Variants in PSAP observed in about 807,000 individuals in gnomAD.
PSAP encodes precursor of saposins.
A neutral mutation model predicts 66.0 loss-of-function variants in PSAP; 25 were observed. That is an observed-to-expected ratio of 0.38 (90% CI 0.28 to 0.53). PSAP has a LOEUF of 0.53. PSAP is among the 20% of genes least tolerant of loss of function. The pLI is 0.83. For synonymous variants in PSAP, 273 were observed against 258.9 expected, an observed-to-expected ratio of 1.05 and a Z score of -0.52; for missense variants, 649 against 668.8, an observed-to-expected ratio of 0.97 and a Z score of 0.33.
chr10:71,849,275 C>T (rs894453517), intron 1 of PSAP, among the ~76,000 whole-genome samples: 2 of 152,176 alleles, frequency 1.3e-5, no homozygotes, highest in Admixed American at 1.3e-4. Flanking sequence ...AATTTAAGAG[C>T]TTCGTATAGG....
intron 1 of PSAP, among the ~76,000 whole-genome samples, chr10:71,844,407 T>A (rs551943571): frequency 6.6e-6 from 1 of 152,332 alleles, no homozygotes; most frequent in South Asian, 2.1e-4. Flanking sequence ...GGCTTATGCC[T>A]CTAATCCCAG....
chr10:71,842,376 AAT>A (rs761370766), intron 1 of PSAP, among the ~76,000 whole-genome samples: 2 of 152,206 alleles, frequency 1.3e-5, no homozygotes, highest in African/African-American at 2.4e-5. Context: ...ACATACAATA[AAT>A]ATATATATGT....
rs141199649 is a variant in PSAP, at chr10:71,828,020, G to A, written c.714C>T (p.Ala238=). 15 of 1,613,974 alleles carry A rather than the reference G, an allele frequency of 9.3e-6. No individual in the cohort carries two copies. In the African/African-American group the frequency reaches 1.1e-4, roughly 11 times the overall value. Residue 238 remains alanine (A), a synonymous_variant, in exon 6 of 14, where the codon GCC becomes GCT. Coordinates refer to ENST00000394936, the MANE Select transcript of PSAP (RefSeq NM_002778.4). ...ACAAGGACACAAGGCTCACTATGTC[G>A]GCCATGCCAGGGCCCAGGCGGTCAC... is the stretch of plus-strand genomic sequence containing the variant. ...EECDRLGPGM[A]DICKNYISQY...
At chr10:71,839,888 T>C (rs1842702184) in intron 1 of PSAP, among the ~76,000 whole-genome samples, 1 of 152,206 alleles carries the variant, frequency 6.6e-6, no homozygotes. Flanking sequence ...TATTATTCTA[T>C]GTATTTGTTG....
chr10:71,843,176 A>G (rs1180817160), intron 1 of PSAP, among the ~76,000 whole-genome samples: 1 of 152,122 alleles, frequency 6.6e-6, no homozygotes, highest in Non-Finnish European at 1.5e-5. Flanking sequence ...CCGAATGCAC[A>G]GAGAGGAAGC....
intron 1 of PSAP, among the ~76,000 whole-genome samples, chr10:71,835,845 C>CA (rs796690953): frequency 0.045 from 5,466 of 120,730 alleles, 393 homozygotes; most frequent in African/African-American, 0.17. Flanking sequence ...AAAAACAAAA[C>CA]ACAATCACCT....
chr10:71,827,333 A>T (rs1435973230), intron 6 of PSAP, among the ~76,000 whole-genome samples: 1 of 150,878 alleles, frequency 6.6e-6, no homozygotes, highest in Non-Finnish European at 1.5e-5. Context: ...CGGGAGGCGG[A>T]GCTTGCAGTG....
chr10:71,823,398 C>A (rs1842342875), intron 7 of PSAP, among the ~76,000 whole-genome samples: 1 of 152,244 alleles, frequency 6.6e-6, no homozygotes, highest in Non-Finnish European at 1.5e-5. Context: ...TGCTGGCTGT[C>A]TGCAAATGTT....
At position 71,828,857 on chromosome 10, in the gene PSAP, T is replaced by C; in HGVS notation, c.576+20A>G. 1.2e-6 allele frequency: 2 copies of C among 1,613,454 alleles called. No homozygotes were observed. Among genetic ancestry groups the C allele is most frequent in the Non-Finnish European group, 1.7e-6 (2 of 1,179,852 alleles). On this transcript the variant is annotated intron_variant, in intron 5 of 13. Coordinates refer to ENST00000394936, the MANE Select transcript of PSAP (RefSeq NM_002778.4). ...AGTGCAACCAAAAATGGGTCCTCAG[T>C]GGCCAGCCCGTTGTCTTACCTTTGG... is the stretch of plus-strand genomic sequence containing the variant.
At position 71,851,179 on chromosome 10, in the gene PSAP, T is replaced by C. The variant is rs555758102; in HGVS notation, c.40+3A>G. 3.9e-6 allele frequency: 6 copies of C among 1,551,028 alleles called. No homozygotes were observed. In the South Asian group the frequency reaches 5.9e-5, roughly 15 times the overall value. ...TCCCCAGGATGAGGGTCCCAGGGCT[T>C]ACCCGCGCCCAGGAGGCTGGCCAGG... On this transcript the variant is annotated splice_donor_region_variant and intron_variant, in intron 1 of 13. Coordinates refer to ENST00000394936, the MANE Select transcript of PSAP (RefSeq NM_002778.4).
chr10:71,832,758 G>A lies in PSAP; in HGVS notation c.175-838C>T, dbSNP rs115789323. 3.8e-3 allele frequency among the ~76,000 whole-genome samples: 582 copies of A among 151,720 alleles called. 6 individuals are homozygous for A. Among genetic ancestry groups the A allele is most frequent in the African/African-American group, 0.013 (540 of 41,382 alleles). On this transcript the variant is annotated intron_variant, in intron 2 of 13. Coordinates refer to ENST00000394936, the MANE Select transcript of PSAP (RefSeq NM_002778.4). ...AACCATATCAAGAGAGGGCCGGGCC[G>A]GGCGTGGTGGCTCACTTGGGAGGCC... is the stretch of plus-strand genomic sequence containing the variant.
chr10:71,825,839 T>C lies in PSAP; in HGVS notation c.775A>G (p.Met259Val), dbSNP rs2133040449. 4 of 1,612,898 alleles carry C rather than the reference T, an allele frequency of 2.5e-6. No individual in the cohort carries two copies. Among genetic ancestry groups the C allele is most frequent in the Admixed American group, 1.7e-5 (1 of 60,026 alleles). Residue 259 changes from methionine (M) to valine (V), a missense_variant and splice_region_variant, in exon 7 of 14, where the codon ATG becomes GTG. By Grantham distance (21) the Met-to-Val change is conservative. Transcript: ENST00000394936. ...SEIAIQMMMH[M>V]QPKEICALVG... ...CAAGGGGCCTCCGTGCCACCTACCA[T>C]GTGCATCATCATCTGGATAGCAATT...
intron 7 of PSAP, among the ~76,000 whole-genome samples, chr10:71,822,468 A>G (rs1842323010): frequency 6.6e-6 from 1 of 152,242 alleles, no homozygotes; most frequent in Admixed American, 6.5e-5. Context: ...CGGCAGGACC[A>G]TTTAAAATGA....
At chr10:71,846,096 G>C (rs2394844) in intron 1 of PSAP, among the ~76,000 whole-genome samples, 135,426 of 152,236 alleles carry the variant, frequency 0.89, 60,478 homozygotes, top group African/African-American at 0.96. Flanking sequence ...CAGCAACAAA[G>C]AATACTAACT....
At chr10:71,817,564 G>C in intron 13 of PSAP, 88 bp from the exon 14 acceptor site, 1 of 1,295,294 alleles carries the variant, frequency 7.7e-7, no homozygotes. Flanking sequence ...CCCCAAAACA[G>C]GACCTGTTCT....
chr10:71,848,598 C>A (rs1842867148), intron 1 of PSAP, among the ~76,000 whole-genome samples: 1 of 152,134 alleles, frequency 6.6e-6, no homozygotes, highest in African/African-American at 2.4e-5. Context: ...TCTCTACCAC[C>A]AGGACATCAC....
chr10:71,850,023 A>C (rs919952965), intron 1 of PSAP, among the ~76,000 whole-genome samples: 14 of 152,010 alleles, frequency 9.2e-5, no homozygotes, highest in African/African-American at 2.4e-4. Flanking sequence ...CTTACTTTCC[A>C]ATCTGACTCT....
chr10:71,822,096 A>G, intron 7 of PSAP, 89 bp from the exon 8 acceptor site: 1 of 1,589,738 alleles, frequency 6.3e-7, no homozygotes, highest in South Asian at 1.1e-5. Flanking sequence ...GGAGCTGGAC[A>G]GCACCCTGGG....
At chr10:71,833,054 G>A (rs1051464635) in intron 2 of PSAP, among the ~76,000 whole-genome samples, 6 of 135,642 alleles carry the variant, frequency 4.4e-5, no homozygotes, top group Non-Finnish European at 8.1e-5. Context: ...ACAGAAGGCC[G>A]GGCCATGACA....
Sources: gnomAD v4.1 joint callset for allele counts (sites outside exome capture counted in the v4.1 genomes callset) on GRCh38, gnomAD v4.1.1 for gene constraint, MANE v1.5 for transcripts, NCBI Gene and HGNC (gene_info 2026-07-23, HGNC 2026-07-21) for gene names.